DOP1A: variants seen among roughly 807,000 people sequenced by gnomAD.
The protein encoded by DOP1A is DOP1 leucine zipper like protein A, also known as protein DOP1A.
Under a neutral mutation model 267.6 loss-of-function variants are expected in DOP1A, and 90 were observed. That is an observed-to-expected ratio of 0.34 (90% CI 0.28 to 0.40). DOP1A has a LOEUF of 0.40. Ranked by LOEUF, DOP1A falls within the 10% of genes least tolerant of loss-of-function variation. The pLI is 1.00. For synonymous variants in DOP1A, 932 were observed against 999.1 expected (o/e 0.93, Z 1.27); for missense variants, 2,437 against 2,900.4 (o/e 0.84, Z 3.67).
intron 1 of DOP1A, among the ~76,000 whole-genome samples, chr6:83,093,366 C>CT (rs1213167137): frequency 6.6e-6 from 1 of 152,228 alleles, no homozygotes; most frequent in African/African-American, 2.4e-5. Context: ...TATAGCCTCT[C>CT]TTTGGCACAA....
intron 1 of DOP1A, among the ~76,000 whole-genome samples, chr6:83,093,490 A>G (rs1770849802): frequency 6.6e-6 from 1 of 152,206 alleles, no homozygotes; most frequent in Non-Finnish European, 1.5e-5. Flanking sequence ...TTTTTGTTAA[A>G]AAACTATTGT....
chr6:83,102,608 C>T (rs139183551), intron 4 of DOP1A, among the ~76,000 whole-genome samples: 2 of 152,336 alleles, frequency 1.3e-5, no homozygotes, highest in East Asian at 3.9e-4. Flanking sequence ...TCATCTCTAG[C>T]TCAGGCTTCG....
At chr6:83,111,444 G>A (rs1774544229) in intron 6 of DOP1A, among the ~76,000 whole-genome samples, 1 of 151,440 alleles carries the variant, frequency 6.6e-6, no homozygotes, top group Admixed American at 6.6e-5. Flanking sequence ...TTGAAGAACT[G>A]GCAAACTTTT....
chr6:83,069,458 A>G (rs1158725186), intron 1 of DOP1A, among the ~76,000 whole-genome samples: 1 of 152,186 alleles, frequency 6.6e-6, no homozygotes, highest in Non-Finnish European at 1.5e-5. Context: ...AATGGTTAAC[A>G]ACTCTTAGAA....
At chr6:83,121,820 A>G (rs921959584) in intron 10 of DOP1A, 110 bp from the exon 11 acceptor site, 1 of 1,116,104 alleles carries the variant, frequency 9.0e-7, no homozygotes, top group Non-Finnish European at 1.2e-6. Context: ...AAGAAATACT[A>G]TTTTAAAAAT....
intron 1 of DOP1A, among the ~76,000 whole-genome samples, chr6:83,082,822 T>C (rs1257780324): frequency 6.6e-6 from 1 of 152,072 alleles, no homozygotes; most frequent in East Asian, 1.9e-4. Context: ...TTTTTTTTTT[T>C]TTTGAGACCG....
At chr6:83,157,901 G>A (rs1783174778) in intron 35 of DOP1A, among the ~76,000 whole-genome samples, 1 of 152,176 alleles carries the variant, frequency 6.6e-6, no homozygotes, top group African/African-American at 2.4e-5. Flanking sequence ...AGTTAGGAAA[G>A]AGGAATGAGT....
chr6:83,146,214 C>T (rs778013996), intron 25 of DOP1A, among the ~76,000 whole-genome samples: 7 of 152,252 alleles, frequency 4.6e-5, no homozygotes, highest in Non-Finnish European at 8.8e-5. Flanking sequence ...AGGAATATTA[C>T]GGACTTTTCT....
At chr6:83,156,132 C>A (rs777778579) in intron 34 of DOP1A, 29 bp downstream of exon 34, 1 of 1,577,176 alleles carries the variant, frequency 6.3e-7, no homozygotes, top group Admixed American at 1.8e-5. Flanking sequence ...TTTATTTTTT[C>A]TCTAACTACA....
intron 1 of DOP1A, among the ~76,000 whole-genome samples, chr6:83,070,667 CT>C (rs999836883): frequency 2.0e-5 from 3 of 152,050 alleles, no homozygotes; most frequent in Non-Finnish European, 2.9e-5. Context: ...CCCTGTGAAC[CT>C]TTTTTTGATT....
chr6:83,167,116 A>G (rs1161401907), intron 38 of DOP1A: 3 of 968,598 alleles, frequency 3.1e-6, no homozygotes, highest in Non-Finnish European at 3.7e-6. Flanking sequence ...CAGAGTTTTC[A>G]CATACCTTCT....
At chr6:83,166,536 A>G (rs1296404428) in intron 38 of DOP1A, 5 of 667,950 alleles carry the variant, frequency 7.5e-6, no homozygotes, top group South Asian at 1.7e-5. Context: ...TAAAATAAAT[A>G]TAAACAGCAA....
At chr6:83,148,936 A>C (rs371981810) in intron 27 of DOP1A, 73 bp downstream of exon 27, 1 of 903,036 alleles carries the variant, frequency 1.1e-6, no homozygotes, top group Non-Finnish European at 1.6e-6. Flanking sequence ...AGTATTAGTA[A>C]TAGATATTTT....
At chr6:83,080,324 C>T (rs557532690) in intron 1 of DOP1A, among the ~76,000 whole-genome samples, 1 of 152,262 alleles carries the variant, frequency 6.6e-6, no homozygotes, top group East Asian at 1.9e-4. Context: ...ACTGTTAATA[C>T]AATGATATAT....
In DOP1A at chr6:83,137,198, A is replaced by C. The variant is rs762035199; in HGVS notation, c.3156A>C (p.Ser1052=). ...TGAGCCAAGTACAACTCATCACATC[A>C]AAAGGAAATGGTGAAAAGCCACTTA... is the stretch of plus-strand genomic sequence containing the variant. ...SNVSQVQLIT[S]KGNGEKPLTM... The change falls in exon 21 of 39, where the codon TCA becomes TCC. Residue 1052 remains serine (S), a synonymous_variant. Transcript: ENST00000349129. 1.9e-6 allele frequency: 3 copies of C among 1,572,468 alleles called. No homozygotes were observed. Among genetic ancestry groups the C allele is most frequent in the Non-Finnish European group, 2.6e-6 (3 of 1,159,132 alleles).
At chr6:83,077,377 A>C (rs938127553) in intron 1 of DOP1A, among the ~76,000 whole-genome samples, 12 of 152,080 alleles carry the variant, frequency 7.9e-5, no homozygotes, top group African/African-American at 2.9e-4. Context: ...ACAATTTAAA[A>C]AGGACTATAG....
chr6:83,165,712 A>G, intron 38 of DOP1A: 1 of 226,276 alleles, frequency 4.4e-6, no homozygotes, highest in Non-Finnish European at 9.4e-6. Flanking sequence ...TCAGGTGAAT[A>G]TGGCAGATGA....
At chr6:83,149,306 T>A (rs1480610769) in intron 27 of DOP1A, among the ~76,000 whole-genome samples, 2 of 152,216 alleles carry the variant, frequency 1.3e-5, no homozygotes, top group African/African-American at 4.8e-5. Flanking sequence ...ATTTGATAAA[T>A]GTTAGTCACC....
intron 11 of DOP1A, 122 bp downstream of exon 11, chr6:83,122,172 A>C (rs1776475584): frequency 9.2e-7 from 1 of 1,084,716 alleles, no homozygotes; most frequent in Non-Finnish European, 1.3e-6. Flanking sequence ...AGTAAAGCTG[A>C]TTTAATACTA....
Sources: gnomAD v4.1 joint callset for allele counts (sites outside exome capture counted in the v4.1 genomes callset) on GRCh38, gnomAD v4.1.1 for gene constraint, MANE v1.5 for transcripts, NCBI Gene and HGNC (gene_info 2026-07-23, HGNC 2026-07-21) for gene names.